The following ZNF654 variants were observed in gnomAD, a reference collection of about 807,000 sequenced individuals.
ZNF654 encodes the protein zinc finger protein 654, also known as melanoma-associated antigen.
Under a neutral mutation model 95.3 loss-of-function variants are expected in ZNF654, and 19 were observed. The ratio of observed to expected loss-of-function variants is 0.20; its 90% CI spans 0.14 to 0.29. ZNF654 has a LOEUF of 0.29. ZNF654 is among the 10% of genes least tolerant of loss of function. The pLI is 1.00. For missense variants in ZNF654, 1,046 were observed against 1,341.0 expected, an observed-to-expected ratio of 0.78 and a Z score of 3.44; for synonymous variants, 413 against 457.9, an observed-to-expected ratio of 0.90 and a Z score of 1.25.
At chr3:88,131,991 T>G (rs1706492764) in intron 6 of ZNF654, among the ~76,000 whole-genome samples, 1 of 152,184 alleles carries the variant, frequency 6.6e-6, no homozygotes, top group African/African-American at 2.4e-5. Flanking sequence ...GCTAAGCCCC[T>G]TTCTCCTTCA....
rs1706274346 is a variant in ZNF654 at position 88,128,908 on chromosome 3, A to C, written c.650A>C (p.Lys217Thr). The change falls in exon 5 of 9, where the codon AAA (lysine) becomes ACA (threonine). Residue 217 changes from lysine to threonine, a missense_variant. Coordinates refer to ENST00000636215, the MANE Select transcript of ZNF654 (RefSeq NM_001350134.2). ...ATACCCGAAGCAATGGCTCTTATTAAATCTTGTATAAATCACCCAGAAATC... is the reference window on the plus strand; with the variant it reads ...ATACCCGAAGCAATGGCTCTTATTACATCTTGTATAAATCACCCAGAAATC... ...ERIPEAMALI[K>T]SCINHPEISK... 1 of 1,535,568 alleles carries C rather than the reference A, an allele frequency of 6.5e-7. No homozygotes were observed. Among genetic ancestry groups the C allele is most frequent in the South Asian group, 1.2e-5 (1 of 84,056 alleles).
At chr3:88,129,543 A>C (rs2107836322) in intron 5 of ZNF654, 144 bp from the exon 6 acceptor site, 2 of 651,218 alleles carry the variant, frequency 3.1e-6, no homozygotes, top group East Asian at 2.8e-5. Flanking sequence ...GAAACCATGA[A>C]AATATTTCTG....
chr3:88,106,967 A>T (rs1393159923), intron 2 of ZNF654, among the ~76,000 whole-genome samples: 1 of 152,012 alleles, frequency 6.6e-6, no homozygotes, highest in Non-Finnish European at 1.5e-5. Context: ...TCATTAGCCT[A>T]TTTGTCTGTT....
At chr3:88,131,188 A>G (rs1431028996) in intron 6 of ZNF654, among the ~76,000 whole-genome samples, 1 of 152,198 alleles carries the variant, frequency 6.6e-6, no homozygotes. Context: ...TTATAACACA[A>G]TGGTAAGTAT....
At chr3:88,132,526 C>G (rs1300491831) in intron 6 of ZNF654, among the ~76,000 whole-genome samples, 1 of 152,156 alleles carries the variant, frequency 6.6e-6, no homozygotes, top group Non-Finnish European at 1.5e-5. Context: ...TCAGAATCCA[C>G]TGTACAACTA....
At position 88,109,328 on chromosome 3, in the gene ZNF654, T is replaced by C. The variant is rs149720519; in HGVS notation, c.333-3787T>C. 5.3e-3 allele frequency among the ~76,000 whole-genome samples: 807 copies of C among 152,260 alleles called. 5 individuals are homozygous for C. Among genetic ancestry groups the C allele is most frequent in the African/African-American group, 0.017 (694 of 41,554 alleles). On this transcript the variant is annotated intron_variant, in intron 2 of 8. Transcript: ENST00000636215. ...TTACTAAGTAGGACTGAATAGAAAT[T>C]TCTGTAAGATACCAAACCTTCAGTT...
Position 88,067,991 on chromosome 3 carries a change from A to G in ZNF654, c.186+8486A>G, listed in dbSNP as rs567742019. On this transcript the variant is annotated intron_variant, in intron 1 of 8. Coordinates refer to ENST00000636215, the MANE Select transcript of ZNF654 (RefSeq NM_001350134.2). ...AAATCTACAAAAGAAGGGATTATCT[A>G]TATTATAAGACCCCTGAAGGGGAGT... Among the ~76,000 whole-genome samples, 113 of 152,204 alleles carry G rather than the reference A, an allele frequency of 7.4e-4. 1 individual carries two copies. The highest frequency in any genetic ancestry group is 2.6e-3 in the African/African-American group (110 of 41,530).
At chr3:88,120,696 C>T (rs1385959202) in intron 3 of ZNF654, among the ~76,000 whole-genome samples, 2 of 152,128 alleles carry the variant, frequency 1.3e-5, no homozygotes, top group Non-Finnish European at 2.9e-5. Flanking sequence ...CCTCTTTATG[C>T]GTATATTACT....
At chr3:88,105,855 G>A (rs1704705493) in intron 2 of ZNF654, among the ~76,000 whole-genome samples, 1 of 152,190 alleles carries the variant, frequency 6.6e-6, no homozygotes, top group African/African-American at 2.4e-5. Flanking sequence ...AATTGTAACA[G>A]TATTAAGAGG....
chr3:88,059,594 T>A (rs1706723020), intron 1 of ZNF654, 89 bp downstream of exon 1: 1 of 1,368,946 alleles, frequency 7.3e-7, no homozygotes, highest in Admixed American at 3.1e-5. Context: ...ATCTGGTCTA[T>A]GTCCAGTGCC....
Position 88,140,301 on chromosome 3 carries a change from G to A in ZNF654, c.2632G>A (p.Ala878Thr), listed in dbSNP as rs1487167562. 6.2e-7 allele frequency: 1 copy of A among 1,613,710 alleles called. No individual in the cohort carries two copies. Among genetic ancestry groups the A allele is most frequent in the Non-Finnish European group, 8.5e-7 (1 of 1,179,744 alleles). Residue 878 changes from alanine (A) to threonine (T), a missense_variant, in exon 8 of 9, where the codon GCA (alanine) becomes ACA (threonine). By Grantham distance (58) the Ala-to-Thr change is moderately conservative. Coordinates refer to ENST00000636215, the MANE Select transcript of ZNF654 (RefSeq NM_001350134.2). Reference sequence around the variant, plus strand: ...TTTAAGTAAAACACCAGAGTCATCTGCACAACCAAGTGAAACAATTCTTTG... The same window carrying A: ...TTTAAGTAAAACACCAGAGTCATCTACACAACCAAGTGAAACAATTCTTTG... ...HYLSKTPESS[A>T]QPSETILWDV...
rs145805553 is a variant in ZNF654 at position 88,071,247 on chromosome 3, C to T, written c.186+11742C>T. Among the ~76,000 whole-genome samples, 492 of 152,236 alleles carry T rather than the reference C, an allele frequency of 3.2e-3. 4 individuals are homozygous for T. Among genetic ancestry groups the T allele is most frequent in the African/African-American group, 0.011 (460 of 41,538 alleles). On this transcript the variant is annotated intron_variant, in intron 1 of 8. Transcript: ENST00000636215. ...GTATTGGGCCAGTAGTGGTGGCTCG[C>T]GGCTGTAATCCCAGCACTTTGGGAG...
At chr3:88,131,177 A>G (rs936778008) in intron 6 of ZNF654, among the ~76,000 whole-genome samples, 5 of 152,206 alleles carry the variant, frequency 3.3e-5, no homozygotes, top group African/African-American at 1.2e-4. Flanking sequence ...GCTGTAGGCA[A>G]TTATAACACA....
chr3:88,078,134 T>A (rs1707911023), intron 1 of ZNF654, among the ~76,000 whole-genome samples: 1 of 152,236 alleles, frequency 6.6e-6, no homozygotes, highest in African/African-American at 2.4e-5. Flanking sequence ...TTTGTTAAAC[T>A]AGTTAGTAGG....
At chr3:88,097,208 A>G (rs1294721371) in intron 2 of ZNF654, among the ~76,000 whole-genome samples, 1 of 152,162 alleles carries the variant, frequency 6.6e-6, no homozygotes, top group African/African-American at 2.4e-5. Flanking sequence ...TGCTAGATCA[A>G]AGAGTGTAAT....
At chr3:88,116,486 CTCCA>C (rs770990718) in intron 3 of ZNF654, among the ~76,000 whole-genome samples, 44 of 152,016 alleles carry the variant, frequency 2.9e-4, no homozygotes, top group Middle Eastern at 3.4e-3. Flanking sequence ...CACCATCGCA[CTCCA>C]TCCAGCCAGG....
chr3:88,087,386 T>G (rs1448631159), intron 2 of ZNF654, among the ~76,000 whole-genome samples: 1 of 152,150 alleles, frequency 6.6e-6, no homozygotes, highest in Non-Finnish European at 1.5e-5. Flanking sequence ...AAAATCCTGG[T>G]TTTTAAAAAA....
At chr3:88,100,990 G>A (rs1453662792) in intron 2 of ZNF654, among the ~76,000 whole-genome samples, 3 of 152,080 alleles carry the variant, frequency 2.0e-5, no homozygotes, top group Non-Finnish European at 2.9e-5. Flanking sequence ...CAATTTTCAA[G>A]TATACTTGAA....
chr3:88,061,957 T>C (rs1417379605), intron 1 of ZNF654, among the ~76,000 whole-genome samples: 1 of 152,140 alleles, frequency 6.6e-6, no homozygotes, highest in Non-Finnish European at 1.5e-5. Context: ...GAGGGAAATA[T>C]GAATCAAAAT....
Sources: allele counts gnomAD v4.1 joint callset (sites outside exome capture counted in the v4.1 genomes callset), GRCh38; gene constraint gnomAD v4.1.1; transcripts MANE v1.5; gene names NCBI Gene and HGNC (gene_info 2026-07-23, HGNC 2026-07-21).